ARHGAP6: variants seen among roughly 807,000 people sequenced by gnomAD.
ARHGAP6 encodes the protein Rho GTPase activating protein 6.
A neutral mutation model predicts 55.7 loss-of-function variants in ARHGAP6; 16 were observed. That is an observed-to-expected ratio of 0.29 (90% CI 0.19 to 0.44). The LOEUF is 0.44. Ranked by LOEUF, ARHGAP6 falls within the 20% of genes least tolerant of loss-of-function variation. The pLI is 1.00. For synonymous variants in ARHGAP6, 382 were observed against 360.9 expected, an observed-to-expected ratio of 1.06 and a Z score of -0.66; for missense variants, 698 against 808.9, an observed-to-expected ratio of 0.86 and a Z score of 1.66.
At chrX:11,554,415 G>A (rs375847816) in intron 1 of ARHGAP6, among the ~76,000 whole-genome samples, 6 of 111,610 alleles carry the variant, frequency 5.4e-5, no homozygotes, top group African/African-American at 2.0e-4. Flanking sequence ...ACAATGTATT[G>A]TATATTTCAA....
Position 11,372,544 on chromosome X carries a change from G to A in ARHGAP6, c.589-117837C>T, listed in dbSNP as rs1161889648. On this transcript the variant is annotated intron_variant, in intron 1 of 12. Coordinates refer to ENST00000337414, the MANE Select transcript of ARHGAP6 (RefSeq NM_013427.3). ...TCCCAGCACTTTGGGAGGCCGAGGA[G>A]GGTGGATTACGAGGTCAGGAGATGG... 4.5e-5 allele frequency among the ~76,000 whole-genome samples: 5 copies of A among 110,023 alleles called. No individual in the cohort carries two copies. The South Asian group carries it at 1.6e-3, about 34-fold the overall frequency.
chrX:11,571,008 C>A (rs1034401709), intron 1 of ARHGAP6, among the ~76,000 whole-genome samples: 14 of 111,432 alleles, frequency 1.3e-4, no homozygotes, highest in Non-Finnish European at 5.6e-5. Flanking sequence ...ACACAGCATC[C>A]TTCCTCTCTG....
chrX:11,589,825 C>A (rs763034175), intron 1 of ARHGAP6, among the ~76,000 whole-genome samples: 3 of 111,816 alleles, frequency 2.7e-5, no homozygotes, highest in Non-Finnish European at 3.8e-5. Context: ...CTTCCCCAGT[C>A]CCCCTTCATC....
intron 9 of ARHGAP6, among the ~76,000 whole-genome samples, chrX:11,163,229 G>C (rs1178674646): frequency 8.9e-6 from 1 of 111,821 alleles, no homozygotes; most frequent in Admixed American, 9.5e-5. Context: ...TCCTGCTTCA[G>C]AGAAAAAAAT....
intron 9 of ARHGAP6, among the ~76,000 whole-genome samples, chrX:11,158,432 T>C (rs1463032019): frequency 8.9e-6 from 1 of 112,419 alleles, no homozygotes; most frequent in Non-Finnish European, 1.9e-5. Context: ...CCATATTTGC[T>C]TGTGGATTGT....
At chrX:11,402,400 G>C (rs1267486950) in intron 1 of ARHGAP6, among the ~76,000 whole-genome samples, 1 of 110,800 alleles carries the variant, frequency 9.0e-6, no homozygotes, top group African/African-American at 3.3e-5. Flanking sequence ...ATTTAAGCAA[G>C]ACTTTATATA....
At chrX:11,422,577 T>G (rs1361110971) in intron 1 of ARHGAP6, among the ~76,000 whole-genome samples, 1 of 112,001 alleles carries the variant, frequency 8.9e-6, no homozygotes, top group Non-Finnish European at 1.9e-5. Context: ...AACCACTCAC[T>G]GAGATGGGAA....
intron 2 of ARHGAP6, among the ~76,000 whole-genome samples, chrX:11,252,013 C>T (rs2047430149): frequency 8.9e-6 from 1 of 112,153 alleles, no homozygotes; most frequent in South Asian, 3.7e-4. Flanking sequence ...ACTGCTGTGG[C>T]CTGGGAATAT....
At chrX:11,349,583 T>C (rs1423377964) in intron 1 of ARHGAP6, among the ~76,000 whole-genome samples, 1 of 111,651 alleles carries the variant, frequency 9.0e-6, no homozygotes, top group Admixed American at 9.5e-5. Context: ...CTTCTTCAGA[T>C]CTAAATAAAA....
chrX:11,269,179 C>T (rs980582376), intron 1 of ARHGAP6, among the ~76,000 whole-genome samples: 2 of 111,163 alleles, frequency 1.8e-5, no homozygotes, highest in Non-Finnish European at 3.8e-5. Context: ...CCTGAACTTC[C>T]CATATGAACA....
rs369004294 is a variant in ARHGAP6 at position 11,664,345 on chromosome X, C to T, written c.484G>A (p.Gly162Ser). Residue 162 changes from glycine (G) to serine (S), a missense_variant, in exon 1 of 13, where the codon GGC becomes AGC. This residue lies in a region of ARHGAP6 where 164 missense variants were observed against 149.2 expected (regional missense o/e 1.10). Coordinates refer to ENST00000337414, the MANE Select transcript of ARHGAP6 (RefSeq NM_013427.3). ...ASSILCSSGG[G>S]PNGIFASPRR... ...GGAGAAGCGAAGATGCCATTGGGGC[C>T]TCCCCCGGATGAACAGAGGATGCTG... The T allele has an allele frequency of 2.1e-5, 25 of 1,211,091 alleles. No individual in the cohort carries two copies. The African/African-American group carries it at 3.1e-4, about 15-fold the overall frequency.
intron 1 of ARHGAP6, among the ~76,000 whole-genome samples, chrX:11,382,882 C>G: frequency 8.9e-6 from 1 of 112,331 alleles, no homozygotes; most frequent in Admixed American, 9.4e-5. Context: ...GCAGCTTATA[C>G]GGACATCAAA....
At chrX:11,480,835 C>G (rs1043384485) in intron 1 of ARHGAP6, among the ~76,000 whole-genome samples, 1 of 111,555 alleles carries the variant, frequency 9.0e-6, no homozygotes, top group Admixed American at 9.5e-5. Flanking sequence ...TTCTGGTTCC[C>G]ATGATGCTGC....
chrX:11,183,176 A>G (rs1362406372), intron 5 of ARHGAP6, among the ~76,000 whole-genome samples: 2 of 111,139 alleles, frequency 1.8e-5, no homozygotes, highest in East Asian at 5.7e-4. Flanking sequence ...ACCACCACTA[A>G]AGAACTTACT....
chrX:11,397,034 G>A (rs1029720433), intron 1 of ARHGAP6, among the ~76,000 whole-genome samples: 8 of 111,382 alleles, frequency 7.2e-5, no homozygotes, highest in African/African-American at 2.6e-4. Flanking sequence ...ATTCTTGGGA[G>A]TAGATGGTAT....
At chrX:11,248,990 C>T (rs1037804774) in intron 2 of ARHGAP6, among the ~76,000 whole-genome samples, 2 of 111,789 alleles carry the variant, frequency 1.8e-5, no homozygotes, top group African/African-American at 6.5e-5. Context: ...CCACACAATT[C>T]GCAACTGCAA....
At chrX:11,278,288 C>T (rs1210131334) in intron 1 of ARHGAP6, among the ~76,000 whole-genome samples, 1 of 111,564 alleles carries the variant, frequency 9.0e-6, no homozygotes, top group Non-Finnish European at 1.9e-5. Context: ...TCTAGATTAT[C>T]CAGGTGGGCC....
In ARHGAP6 at chrX:11,144,052, G is replaced by A; in HGVS notation, c.2104C>T (p.Gln702Ter). 1 of 1,211,311 alleles carries A rather than the reference G, an allele frequency of 8.3e-7. No individual in the cohort carries two copies. Among genetic ancestry groups the A allele is most frequent in the Non-Finnish European group, 1.1e-6 (1 of 895,431 alleles). Residue 702 changes from glutamine to a stop codon, truncating the protein, a stop_gained, in exon 11 of 13, where the codon CAG becomes TAG. Transcript: ENST00000337414. LOFTEE classifies it high-confidence loss of function. ...GACAAGTGGCCCACCAGCATAAACT[G>A]CCCTGGCACTCTGTAAAGCTTCTCC... ...GSEKLYRVPG[Q>*]FMLVGHLSSS...
At chrX:11,277,194 T>C (rs1397782330) in intron 1 of ARHGAP6, among the ~76,000 whole-genome samples, 1 of 112,105 alleles carries the variant, frequency 8.9e-6, no homozygotes. Context: ...ATCCACGTTG[T>C]AGCATGTGTC....
Sources: gnomAD v4.1 joint callset for allele counts (sites outside exome capture counted in the v4.1 genomes callset) on GRCh38, gnomAD v4.1.1 for gene constraint, gnomAD v4.1.1 regional missense constraint, MANE v1.5 for transcripts, NCBI Gene and HGNC (gene_info 2026-07-23, HGNC 2026-07-21) for gene names.